The following HPS5 variants were observed in gnomAD, a reference collection of about 807,000 sequenced individuals.
The protein encoded by HPS5 is HPS5 biogenesis of lysosomal organelles complex 2 subunit 2.
In HPS5, 83 loss-of-function variants were observed where a neutral mutation model predicts 128.0. The ratio of observed to expected loss-of-function variants is 0.65; its 90% CI spans 0.54 to 0.78. The LOEUF is 0.78. Ranked by LOEUF, HPS5 falls within the 30% of genes least tolerant of loss-of-function variation. The pLI is 0.00. For synonymous variants in HPS5, 475 were observed against 470.2 expected (o/e 1.01, Z -0.13); for missense variants, 1,281 against 1,326.2 (o/e 0.97, Z 0.53).
intron 5 of HPS5, among the ~76,000 whole-genome samples, chr11:18,310,477 C>T (rs184315925): frequency 6.6e-6 from 1 of 152,134 alleles, no homozygotes; most frequent in Admixed American, 6.5e-5. Flanking sequence ...TTTAAATGAG[C>T]CATGCAGGTG....
At chr11:18,304,928 G>A (rs1391629408) in intron 8 of HPS5, among the ~76,000 whole-genome samples, 1 of 152,230 alleles carries the variant, frequency 6.6e-6, no homozygotes, top group Non-Finnish European at 1.5e-5. Flanking sequence ...AAGGCTGGCT[G>A]AACTCTGACA....
chr11:18,281,423 TG>T (rs1858934963), intron 22 of HPS5, among the ~76,000 whole-genome samples: 1 of 151,710 alleles, frequency 6.6e-6, no homozygotes, highest in Non-Finnish European at 1.5e-5. Flanking sequence ...GTTTTTGAGA[TG>T]GAGTCTCGCT....
chr11:18,291,283 A>C (rs906237639), intron 16 of HPS5, among the ~76,000 whole-genome samples, 159 bp downstream of exon 16: 1 of 152,226 alleles, frequency 6.6e-6, no homozygotes, highest in African/African-American at 2.4e-5. Context: ...AATGTCTGAA[A>C]GAACTATTAA....
chr11:18,294,956 G>A (rs1201741355), intron 14 of HPS5, 64 bp downstream of exon 14: 3 of 1,588,500 alleles, frequency 1.9e-6, no homozygotes, highest in Non-Finnish European at 2.6e-6. Context: ...GTTGGTCTAT[G>A]GCTTTCTTAA....
At position 18,317,127 on chromosome 11, in the gene HPS5, G is replaced by C. The variant is rs189571775; in HGVS notation, c.108+624C>G. Among the ~76,000 whole-genome samples, 61 of 151,902 alleles carry C rather than the reference G, an allele frequency of 4.0e-4. No homozygotes were observed. In the East Asian group the frequency reaches 4.9e-3, roughly 12 times the overall value. ...GAAAACGGTGTGAACCCGGGAGGCG[G>C]AGCATGCAGTGAGCTGAGATCACAC... On this transcript the variant is annotated intron_variant, in intron 2 of 22. Transcript: ENST00000349215.
intron 2 of HPS5, 77 bp downstream of exon 2, chr11:18,317,674 T>C: frequency 1.4e-6 from 2 of 1,396,284 alleles, no homozygotes; most frequent in Non-Finnish European, 2.0e-6. Context: ...CCACAAAACG[T>C]TAAGGAACTG....
Position 18,287,410 on chromosome 11 carries a change from C to T in HPS5, c.2717+125G>A. On this transcript the variant is annotated intron_variant, in intron 18 of 22. Transcript: ENST00000349215. ...ATGTTACAAGGCCTCCCAAATCCTC[C>T]TCTTCCATAGTATGTGCCTCAACCC... is the stretch of plus-strand genomic sequence containing the variant. The T allele has an allele frequency of 3.8e-6, 4 of 1,059,604 alleles. No individual in the cohort carries two copies. In the South Asian group the frequency reaches 3.9e-5, roughly 10 times the overall value. The allele number at this position is 1,059,604 out of a possible 1,614,324, so 65.6% of individuals were successfully genotyped here.
At position 18,295,057 on chromosome 11, in the gene HPS5, C is replaced by A. The variant is rs376449488; in HGVS notation, c.1747G>T (p.Val583Leu). 11 of 1,614,070 alleles carry A rather than the reference C, an allele frequency of 6.8e-6. No individual in the cohort carries two copies. Among genetic ancestry groups the A allele is most frequent in the African/African-American group, 6.7e-5 (5 of 74,924 alleles). Residue 583 changes from valine (V) to leucine (L), a missense_variant, in exon 14 of 23, where the codon GTG (valine) becomes TTG (leucine). By Grantham distance (32) the Val-to-Leu change is conservative. Coordinates refer to ENST00000349215, the MANE Select transcript of HPS5 (RefSeq NM_181507.2). ...RGDEQSCEED[V>L]SSDTCPKEED... The stretch of plus-strand genomic sequence containing the variant: ...TCCTTTGGGCAGGTATCTGAACTCA[C>A]ATCCTCTTCACATGATTGCTCATCA...
intron 2 of HPS5, among the ~76,000 whole-genome samples, chr11:18,317,238 G>T: frequency 6.8e-6 from 1 of 147,702 alleles, no homozygotes; most frequent in African/African-American, 2.5e-5. Context: ...TCATTCCAAT[G>T]CTTCTCCGGG....
chr11:18,321,688 T>G (rs952234214), intron 1 of HPS5, among the ~76,000 whole-genome samples: 5 of 152,166 alleles, frequency 3.3e-5, no homozygotes, highest in Non-Finnish European at 5.9e-5. Flanking sequence ...GTAAGAAAGA[T>G]AGCAAAAATT....
In HPS5 at chr11:18,284,000, C is replaced by T. The variant is rs74232539; in HGVS notation, c.2952-99G>A. 7,092 of 760,164 alleles carry T rather than the reference C, an allele frequency of 9.3e-3. 57 individuals carry two copies. The highest frequency in any genetic ancestry group is 0.013 in the Non-Finnish European group (5,727 of 443,868). The allele number at this position is 760,164 out of a possible 1,614,324, so 47.1% of individuals were successfully genotyped here. A position where few individuals can be genotyped will look rare whatever the true frequency, so the allele number is the denominator to read the frequency against. The stretch of plus-strand genomic sequence containing the variant: ...TAGACACAGTCACATGTGGCTATTT[C>T]AATTTAAATTAATTAAAAGTAAATA... On this transcript the variant is annotated intron_variant, in intron 20 of 22. Coordinates refer to ENST00000349215, the MANE Select transcript of HPS5 (RefSeq NM_181507.2).
chr11:18,300,730 T>C, intron 9 of HPS5, 98 bp downstream of exon 9: 1 of 513,134 alleles, frequency 1.9e-6, no homozygotes, highest in Non-Finnish European at 3.7e-6. Flanking sequence ...AGTCATCCCA[T>C]CCTATTTTTC....
At position 18,282,195 on chromosome 11, in the gene HPS5, T is replaced by C. The variant is rs769505100; in HGVS notation, c.3084A>G (p.Glu1028=). The C allele has an allele frequency of 1.2e-6, 2 of 1,614,164 alleles. No individual in the cohort carries two copies. Among genetic ancestry groups the C allele is most frequent in the Non-Finnish European group, 1.7e-6 (2 of 1,180,036 alleles). The change falls in exon 22 of 23, where the codon GAA becomes GAG. Residue 1028 remains glutamate, a synonymous_variant. Coordinates refer to ENST00000349215, the MANE Select transcript of HPS5 (RefSeq NM_181507.2). ...DNGWIPETVE[E]WKLLLHLIQS... ...GTATGAGATGAAGGAGAAGCTTCCA[T>C]TCCTCCACGGTCTCTGGGATCCAAC... is the stretch of plus-strand genomic sequence containing the variant.
At position 18,300,810 on chromosome 11, in the gene HPS5, A is replaced by G; in HGVS notation, c.985+18T>C. On this transcript the variant is annotated intron_variant, in intron 9 of 22. Coordinates refer to ENST00000349215, the MANE Select transcript of HPS5 (RefSeq NM_181507.2). ...TCATAAGCATGAGATTAAAAATTACAAAGAAAAATATAATTACCTTTGACT... is the reference window on the plus strand; with the variant it reads ...TCATAAGCATGAGATTAAAAATTACGAAGAAAAATATAATTACCTTTGACT... The G allele has an allele frequency of 1.5e-6, 2 of 1,312,218 alleles. No homozygotes were observed. Among genetic ancestry groups the G allele is most frequent in the East Asian group, 2.3e-5 (1 of 43,456 alleles). 81.3% of individuals were successfully genotyped at this position (1,312,218 alleles called of 1,614,324 possible).
At chr11:18,280,575 A>G (rs1489987015) in intron 22 of HPS5, 1 of 701,112 alleles carries the variant, frequency 1.4e-6, no homozygotes, top group East Asian at 2.7e-5. Context: ...TCTGGAAGAC[A>G]TATTTGTATA....
Position 18,306,297 on chromosome 11 carries a change from G to A in HPS5, c.662C>T (p.Ala221Val). Reference protein sequence around the residue: ...GNKERDGEYGACFFPGRCSGG... With the variant: ...GNKERDGEYGVCFFPGRCSGG... ...AGAACATCTTCCAGGAAAGAAACAA[G>A]CTCCATATTCTCCATCTCTTTCCTT... Residue 221 changes from alanine to valine, a missense_variant, in exon 7 of 23, where the codon GCT becomes GTT. Physicochemically the swap from Ala to Val is moderately conservative, Grantham distance 64. Coordinates refer to ENST00000349215, the MANE Select transcript of HPS5 (RefSeq NM_181507.2). 1 of 1,614,076 alleles carries A rather than the reference G, an allele frequency of 6.2e-7. No individual in the cohort carries two copies. Among genetic ancestry groups the A allele is most frequent in the South Asian group, 1.1e-5 (1 of 91,074 alleles).
intron 18 of HPS5, 47 bp from the exon 19 acceptor site, chr11:18,286,757 A>T (rs773102659): frequency 6.2e-7 from 1 of 1,610,762 alleles, no homozygotes; most frequent in Non-Finnish European, 8.5e-7. Flanking sequence ...ATGCTAAGAA[A>T]GGAAGCATAA....
At chr11:18,297,446 CAAAA>C in intron 11 of HPS5, 109 bp downstream of exon 11, 2 of 1,010,428 alleles carry the variant, frequency 2.0e-6, no homozygotes, top group Non-Finnish European at 3.0e-6. Context: ...CCCTTCCCAC[CAAAA>C]AACATAAATG....
At chr11:18,288,868 G>A (rs140100117) in intron 16 of HPS5, among the ~76,000 whole-genome samples, 9 of 151,864 alleles carry the variant, frequency 5.9e-5, no homozygotes, top group African/African-American at 1.9e-4. Context: ...TGCAATACCT[G>A]GGTGTGTGCA....
Sources: allele counts gnomAD v4.1 joint callset (sites outside exome capture counted in the v4.1 genomes callset), GRCh38; gene constraint gnomAD v4.1.1; transcripts MANE v1.5; gene names NCBI Gene and HGNC (gene_info 2026-07-23, HGNC 2026-07-21).